Variants in DTNA observed in about 807,000 individuals in gnomAD.
The protein encoded by DTNA is dystrophin-related protein 3.
A neutral mutation model predicts 100.7 loss-of-function variants in DTNA; 43 were observed. That is an observed-to-expected ratio of 0.43 (90% CI 0.33 to 0.55). The LOEUF is 0.55. Among genes scored for constraint, DTNA ranks in the 20% least tolerant of loss-of-function variants. The probability of loss-of-function intolerance (pLI) is 0.04; values close to 1 mark genes in which losing one functional copy is unlikely to be tolerated. For missense variants in DTNA, 798 were observed against 953.9 expected, an observed-to-expected ratio of 0.84 and a Z score of 2.15; for synonymous variants, 349 against 347.9, an observed-to-expected ratio of 1.00 and a Z score of -0.04.
intron 1 of DTNA, among the ~76,000 whole-genome samples, chr18:34,753,357 A>ATTTTTTTTTTT (rs869151386): frequency 5.0e-4 from 1 of 2,018 alleles, no homozygotes; most frequent in African/African-American, 1.0e-3. Context: ...TTATTTATTT[A>ATTTTTTTTTTT]TTTATTTTAT....
At chr18:34,503,594 A>T (rs189548074) in intron 1 of DTNA, among the ~76,000 whole-genome samples, 1 of 152,052 alleles carries the variant, frequency 6.6e-6, no homozygotes, top group East Asian at 1.9e-4. Flanking sequence ...TAGTTGGCTC[A>T]TATTTTTAAT....
intron 1 of DTNA, among the ~76,000 whole-genome samples, chr18:34,561,976 T>C (rs1360936961): frequency 6.6e-6 from 1 of 152,190 alleles, no homozygotes; most frequent in African/African-American, 2.4e-5. Context: ...GTGATTGCAT[T>C]TTTTTCTTTC....
intron 1 of DTNA, among the ~76,000 whole-genome samples, chr18:34,660,661 G>A (rs2075059710): frequency 6.6e-6 from 1 of 152,010 alleles, no homozygotes. Flanking sequence ...GTTACTTGGA[G>A]ACTTCATCTG....
At chr18:34,857,527 A>C (rs1329670284) in intron 15 of DTNA, among the ~76,000 whole-genome samples, 1 of 152,188 alleles carries the variant, frequency 6.6e-6, no homozygotes, top group Non-Finnish European at 1.5e-5. Flanking sequence ...GGCTAGCCTA[A>C]TGCTCACCAA....
At chr18:34,867,496 T>C in intron 17 of DTNA, 1 of 1,200,450 alleles carries the variant, frequency 8.3e-7, no homozygotes, top group Non-Finnish European at 1.0e-6. Flanking sequence ...TACACTTAGA[T>C]CATGGTAAAG....
chr18:34,581,128 A>G (rs1200226172), intron 1 of DTNA, among the ~76,000 whole-genome samples: 1 of 152,122 alleles, frequency 6.6e-6, no homozygotes, highest in Non-Finnish European at 1.5e-5. Flanking sequence ...GTGCGCCTGT[A>G]TCCCAGCTGC....
intron 14 of DTNA, 39 bp from the exon 15 acceptor site, chr18:34,851,792 A>C: frequency 6.2e-7 from 1 of 1,604,274 alleles, no homozygotes; most frequent in Non-Finnish European, 8.5e-7. Flanking sequence ...ATAGGTTCAC[A>C]TTCTCAATAT....
intron 3 of DTNA, among the ~76,000 whole-genome samples, chr18:34,790,739 A>G (rs1023109642): frequency 1.3e-5 from 2 of 152,020 alleles, no homozygotes; most frequent in African/African-American, 2.4e-5. Flanking sequence ...CGGTTTAGAA[A>G]TCACACTCTG....
chr18:34,742,736 T>C (rs2090937432), intron 1 of DTNA, among the ~76,000 whole-genome samples: 1 of 151,952 alleles, frequency 6.6e-6, no homozygotes, highest in Non-Finnish European at 1.5e-5. Flanking sequence ...GGTAATATAG[T>C]ATGGCCTCTC....
At chr18:34,590,781 A>T (rs1406191838) in intron 1 of DTNA, among the ~76,000 whole-genome samples, 1 of 152,222 alleles carries the variant, frequency 6.6e-6, no homozygotes, top group Non-Finnish European at 1.5e-5. Context: ...CTTATGAAAG[A>T]GGAAAACAAC....
intron 21 of DTNA, 120 bp downstream of exon 21, chr18:34,882,321 C>T: frequency 7.7e-7 from 1 of 1,293,120 alleles, no homozygotes; most frequent in Non-Finnish European, 1.1e-6. Context: ...TTTCAAAATA[C>T]ACTGATTTCA....
chr18:34,816,767 C>G (rs1483945516), intron 7 of DTNA, among the ~76,000 whole-genome samples: 2 of 152,156 alleles, frequency 1.3e-5, no homozygotes, highest in South Asian at 4.1e-4. Flanking sequence ...CTATATATTA[C>G]TCAACTTCTG....
intron 1 of DTNA, among the ~76,000 whole-genome samples, chr18:34,546,767 TTTTTTTATCTC>T (rs2044826801): frequency 2.0e-5 from 3 of 151,268 alleles, no homozygotes; most frequent in African/African-American, 7.3e-5. Flanking sequence ...TTCTTTCTTT[TTTTTTTATCTC>T]AGCTCACTGC....
At chr18:34,634,821 A>T (rs1349114617) in intron 1 of DTNA, among the ~76,000 whole-genome samples, 1 of 152,164 alleles carries the variant, frequency 6.6e-6, no homozygotes, top group Non-Finnish European at 1.5e-5. Flanking sequence ...TTTGTAGTGA[A>T]AACACTTAAA....
At chr18:34,758,551 T>TAGGCTAATTAG (rs2092934228) in intron 2 of DTNA, among the ~76,000 whole-genome samples, 1 of 152,180 alleles carries the variant, frequency 6.6e-6, no homozygotes, top group South Asian at 2.1e-4. Context: ...GCCATCTGTT[T>TAGGCTAATTAG]GCTAATTGTC....
intron 1 of DTNA, among the ~76,000 whole-genome samples, chr18:34,746,479 T>C (rs2091598077): frequency 6.6e-6 from 1 of 152,092 alleles, no homozygotes; most frequent in South Asian, 2.1e-4. Context: ...ATGTGTATAA[T>C]ATTATTGCTA....
intron 1 of DTNA, among the ~76,000 whole-genome samples, chr18:34,524,264 A>T (rs2042404580): frequency 6.6e-6 from 1 of 152,214 alleles, no homozygotes; most frequent in Non-Finnish European, 1.5e-5. Context: ...CTGTATGAAA[A>T]TATAATTGTA....
chr18:34,879,894 T>A (rs1347165618), intron 20 of DTNA, among the ~76,000 whole-genome samples, 175 bp downstream of exon 20: 9 of 152,148 alleles, frequency 5.9e-5, no homozygotes, highest in Non-Finnish European at 5.9e-5. Context: ...CATTGTAATA[T>A]TTCCCCTCTT....
At chr18:34,672,701 A>G (rs1388382026) in intron 1 of DTNA, among the ~76,000 whole-genome samples, 2 of 152,210 alleles carry the variant, frequency 1.3e-5, no homozygotes, top group Non-Finnish European at 2.9e-5. Flanking sequence ...CATGCTGAAT[A>G]TGTATAGATT....
Sources: gnomAD v4.1 joint callset for allele counts (sites outside exome capture counted in the v4.1 genomes callset) on GRCh38, gnomAD v4.1.1 for gene constraint, MANE v1.5 for transcripts, NCBI Gene and HGNC (gene_info 2026-07-23, HGNC 2026-07-21) for gene names.